NEXMIF: variants seen among roughly 807,000 people sequenced by gnomAD.
NEXMIF encodes neurite extension and migration factor, also known as XLMR protein related to neurite extension.
A neutral mutation model predicts 62.1 loss-of-function variants in NEXMIF; 8 were observed. The ratio of observed to expected loss-of-function variants is 0.13; its 90% CI spans 0.08 to 0.23. NEXMIF has a LOEUF of 0.23. Among genes scored for constraint, NEXMIF ranks in the 10% least tolerant of loss-of-function variants. The probability of loss-of-function intolerance (pLI) is 1.00; values close to 1 mark genes in which losing one functional copy is unlikely to be tolerated. For synonymous variants in NEXMIF, 404 were observed against 416.6 expected, an observed-to-expected ratio of 0.97 and a Z score of 0.37; for missense variants, 976 against 1,113.3, an observed-to-expected ratio of 0.88 and a Z score of 1.75.
chrX:74,766,760 T>C (rs1294548513), intron 1 of NEXMIF, among the ~76,000 whole-genome samples: 1 of 112,403 alleles, frequency 8.9e-6, no homozygotes, highest in East Asian at 2.8e-4. Flanking sequence ...AGAACCCTTG[T>C]TGGAGAACTA....
intron 1 of NEXMIF, among the ~76,000 whole-genome samples, chrX:74,749,532 T>C (rs754132578): frequency 6.3e-5 from 7 of 110,820 alleles, no homozygotes; most frequent in Non-Finnish European, 1.3e-4. Flanking sequence ...CCCTTAATAT[T>C]AAACCATTTG....
chrX:74,826,495 T>C (rs1369665358), intron 1 of NEXMIF, among the ~76,000 whole-genome samples: 2 of 112,219 alleles, frequency 1.8e-5, no homozygotes, highest in African/African-American at 6.5e-5. Context: ...TCTGAGTTCC[T>C]TATATATTTT....
chrX:74,862,505 A>G (rs149276422), intron 1 of NEXMIF, among the ~76,000 whole-genome samples: 119 of 110,781 alleles, frequency 1.1e-3, no homozygotes, highest in African/African-American at 3.8e-3. Flanking sequence ...TATCTACAGA[A>G]CTCTCCACCA....
chrX:74,775,729 C>T (rs963515259), intron 1 of NEXMIF, among the ~76,000 whole-genome samples: 3 of 111,208 alleles, frequency 2.7e-5, no homozygotes, highest in Non-Finnish European at 3.8e-5. Context: ...TGCCTCAGAG[C>T]GACAGCTCTA....
In NEXMIF at chrX:74,768,305, T is replaced by C. The variant is rs943235914; in HGVS notation, c.-47-22608A>G. Among the ~76,000 whole-genome samples the C allele has an allele frequency of 4.0e-4, 45 of 111,918 alleles. 1 individual carries two copies. Among genetic ancestry groups the C allele is most frequent in the Admixed American group, 4.0e-3 (42 of 10,507 alleles). On this transcript the variant is annotated intron_variant, in intron 1 of 3. Coordinates refer to ENST00000055682, the MANE Select transcript of NEXMIF (RefSeq NM_001008537.3). ...TTTTCTCCATTCTCTGTGGGTTGGATTGTTTCCCTGATAAATCCCAATGCA... is the reference window on the plus strand; with the variant it reads ...TTTTCTCCATTCTCTGTGGGTTGGACTGTTTCCCTGATAAATCCCAATGCA...
chrX:74,870,509 ACAAT>A (rs764498880), intron 1 of NEXMIF, among the ~76,000 whole-genome samples: 3 of 111,874 alleles, frequency 2.7e-5, no homozygotes, highest in Non-Finnish European at 5.6e-5. Flanking sequence ...AGCAAAGGAA[ACAAT>A]CAACAAAGTG....
At chrX:74,888,067 C>T (rs368930915) in intron 1 of NEXMIF, among the ~76,000 whole-genome samples, 2 of 109,699 alleles carry the variant, frequency 1.8e-5, no homozygotes, top group Non-Finnish European at 3.8e-5. Context: ...CATGTTCTCA[C>T]TCATAGGTGG....
rs61742545 is a variant in NEXMIF at position 74,742,184 on chromosome X, T to G, written c.2373A>C (p.Thr791=). The change falls in exon 3 of 4, where the codon ACA becomes ACC. Residue 791 remains threonine (T), a synonymous_variant. Transcript: ENST00000055682. The part of the protein sequence containing the change: ...AAKSSTFLPT[T]CSSEMPLSSA... Reference sequence around the variant, plus strand: ...ATGATAAAGGCATTTCAGAAGAGCATGTCGTTGGTAGAAAAGTGGAACTCT... The same window carrying G: ...ATGATAAAGGCATTTCAGAAGAGCAGGTCGTTGGTAGAAAAGTGGAACTCT... The G allele has an allele frequency of 6.5e-4, 787 of 1,209,894 alleles. 3 individuals are homozygous for G. In the African/African-American group the frequency reaches 0.012, roughly 19 times the overall value.
intron 1 of NEXMIF, among the ~76,000 whole-genome samples, chrX:74,774,184 GT>G (rs1404007247): frequency 9.0e-6 from 1 of 111,560 alleles, no homozygotes; most frequent in Non-Finnish European, 1.9e-5. Context: ...GGGCTTTACA[GT>G]TTAATAAAAC....
intron 1 of NEXMIF, among the ~76,000 whole-genome samples, chrX:74,877,557 G>C (rs774047548): frequency 9.0e-6 from 1 of 111,503 alleles, no homozygotes; most frequent in Non-Finnish European, 1.9e-5. Context: ...GATTGGGGAA[G>C]TTCTCCTGGA....
In NEXMIF at chrX:74,741,519, G is replaced by C; in HGVS notation, c.3038C>G (p.Ser1013Cys). ...SSNYCSLSLKSCEKDGDDDIT... is the reference protein window; with the variant it reads ...SSNYCSLSLKCCEKDGDDDIT... ...ATCATCATCGCCATCCTTTTCACAG[G>C]ACTTCAAGCTTAAGGAGCAATAATT... Residue 1013 changes from serine to cysteine, a missense_variant, in exon 3 of 4, where the codon TCC becomes TGC. Physicochemically the swap from Ser to Cys is moderately radical, Grantham distance 112 (BLOSUM62 -1). This residue lies in a region of NEXMIF where 639 missense variants were observed against 694.5 expected (regional missense o/e 0.92). Coordinates refer to ENST00000055682, the MANE Select transcript of NEXMIF (RefSeq NM_001008537.3). The C allele has an allele frequency of 1.7e-6, 2 of 1,211,440 alleles. No homozygotes were observed. Among genetic ancestry groups the C allele is most frequent in the Non-Finnish European group, 2.2e-6 (2 of 895,310 alleles).
At chrX:74,914,423 T>A (rs1479631715) in intron 1 of NEXMIF, among the ~76,000 whole-genome samples, 1 of 111,748 alleles carries the variant, frequency 8.9e-6, no homozygotes, top group African/African-American at 3.3e-5. Flanking sequence ...TAATTCCAAC[T>A]CTGTAATCAG....
At chrX:74,769,000 T>C (rs2080202491) in intron 1 of NEXMIF, among the ~76,000 whole-genome samples, 2 of 111,474 alleles carry the variant, frequency 1.8e-5, no homozygotes, top group South Asian at 7.6e-4. Context: ...GGGCATGTTT[T>C]TATAAAGCAC....
chrX:74,753,715 G>A (rs201676092), intron 1 of NEXMIF, among the ~76,000 whole-genome samples: 11 of 100,191 alleles, frequency 1.1e-4, no homozygotes, highest in East Asian at 6.6e-4. Context: ...ACACACACAC[G>A]CACACACACA....
chrX:74,779,015 G>A (rs1156546852), intron 1 of NEXMIF, among the ~76,000 whole-genome samples: 1 of 112,366 alleles, frequency 8.9e-6, no homozygotes, highest in Admixed American at 9.4e-5. Flanking sequence ...TAACACAAAT[G>A]CTGGGTCCTC....
intron 1 of NEXMIF, among the ~76,000 whole-genome samples, chrX:74,873,147 A>G (rs952403312): frequency 6.7e-5 from 7 of 105,257 alleles, no homozygotes; most frequent in African/African-American, 2.5e-4. Flanking sequence ...CCCATCCCCC[A>G]ACCCCACAAC....
intron 1 of NEXMIF, among the ~76,000 whole-genome samples, chrX:74,776,240 T>C (rs2080228054): frequency 8.9e-6 from 1 of 111,862 alleles, no homozygotes; most frequent in African/African-American, 3.2e-5. Flanking sequence ...CAGACAGTGT[T>C]TGCAGGTGAA....
At chrX:74,766,451 T>C (rs1436944010) in intron 1 of NEXMIF, among the ~76,000 whole-genome samples, 1 of 112,314 alleles carries the variant, frequency 8.9e-6, no homozygotes, top group African/African-American at 3.2e-5. Flanking sequence ...CTTTTTTCTT[T>C]ATTTTTGTCT....
chrX:74,811,977 A>C (rs992555745), intron 1 of NEXMIF, among the ~76,000 whole-genome samples: 3 of 112,998 alleles, frequency 2.7e-5, no homozygotes, highest in African/African-American at 9.6e-5. Context: ...GAGGAAGAAA[A>C]GTCTAGCTTC....
Sources: allele counts gnomAD v4.1 joint callset (sites outside exome capture counted in the v4.1 genomes callset), GRCh38; gene constraint gnomAD v4.1.1; regional missense constraint gnomAD v4.1.1; transcripts MANE v1.5; gene names NCBI Gene and HGNC (gene_info 2026-07-23, HGNC 2026-07-21).